Variants in PLPP1 observed in about 807,000 individuals in gnomAD.
PLPP1 encodes the protein lipid phosphate phosphohydrolase 1a.
In PLPP1, 24 loss-of-function variants were observed where a neutral mutation model predicts 31.2. The observed-to-expected ratio is 0.77, with a 90% CI of 0.56 to 1.08. PLPP1 has a LOEUF of 1.08. Among genes scored for constraint, PLPP1 ranks in the 50% least tolerant of loss-of-function variants. PLPP1 has a pLI of 0.00. For synonymous variants in PLPP1, 146 were observed against 126.3 expected (o/e 1.16, Z -1.05); for missense variants, 319 against 342.7 (o/e 0.93, Z 0.55).
chr5:55,438,826 G>A (rs1319358143), intron 4 of PLPP1, among the ~76,000 whole-genome samples: 1 of 151,946 alleles, frequency 6.6e-6, no homozygotes, highest in Non-Finnish European at 1.5e-5. Flanking sequence ...GCGTGAACCC[G>A]GGAGGTGGAG....
chr5:55,443,192 A>AAAAAAAAAAATATATATAT, intron 3 of PLPP1, among the ~76,000 whole-genome samples: 22 of 25,436 alleles, frequency 8.6e-4, no homozygotes, highest in East Asian at 2.3e-3. Context: ...AAAAAAAAAA[A>AAAAAAAAAAATATATATAT]ATATATATAT....
chr5:55,498,308 A>C (rs1753045794), intron 1 of PLPP1, among the ~76,000 whole-genome samples: 1 of 152,134 alleles, frequency 6.6e-6, no homozygotes, highest in Non-Finnish European at 1.5e-5. Flanking sequence ...TGAAACAAAG[A>C]AATAACAGTG....
Position 55,484,089 on chromosome 5 carries a change from C to G in PLPP1, c.59-8639G>C, listed in dbSNP as rs370511872. On this transcript the variant is annotated intron_variant, in intron 1 of 5. Transcript: ENST00000307259. ...CCTCAACCTTGGCCTTTCATGTCAG[C>G]CTGTCCTTGCATGGTGTGCAAGGAC... Among the ~76,000 whole-genome samples the G allele has an allele frequency of 1.3e-3, 203 of 152,254 alleles. 2 individuals carry two copies. In the Middle Eastern group the frequency reaches 0.024, roughly 18 times the overall value.
chr5:55,442,257 T>C (rs1751637182), intron 3 of PLPP1, among the ~76,000 whole-genome samples: 1 of 152,210 alleles, frequency 6.6e-6, no homozygotes. Context: ...TATGTGACCA[T>C]GATTTAAGTT....
At chr5:55,499,702 G>C (rs1753093224) in intron 1 of PLPP1, among the ~76,000 whole-genome samples, 1 of 151,836 alleles carries the variant, frequency 6.6e-6, no homozygotes, top group Admixed American at 6.6e-5. Flanking sequence ...TAAATAAATA[G>C]TTAATAATCT....
At chr5:55,519,049 A>C (rs1753610033) in intron 1 of PLPP1, among the ~76,000 whole-genome samples, 1 of 152,164 alleles carries the variant, frequency 6.6e-6, no homozygotes, top group African/African-American at 2.4e-5. Flanking sequence ...AATCCTGAGG[A>C]AAGGGGGGAA....
intron 1 of PLPP1, among the ~76,000 whole-genome samples, chr5:55,489,294 T>G (rs1308137453): frequency 1.3e-5 from 2 of 152,082 alleles, no homozygotes. Flanking sequence ...AAAAGAAACT[T>G]TATCTGGCAA....
At chr5:55,526,024 A>C (rs975253873) in intron 1 of PLPP1, among the ~76,000 whole-genome samples, 2 of 152,314 alleles carry the variant, frequency 1.3e-5, no homozygotes, top group East Asian at 1.9e-4. Flanking sequence ...ATTACATGTT[A>C]ATCAGTTCAC....
At chr5:55,494,729 C>T (rs868087037) in intron 1 of PLPP1, among the ~76,000 whole-genome samples, 3 of 152,106 alleles carry the variant, frequency 2.0e-5, no homozygotes, top group Middle Eastern at 3.2e-3. Context: ...ATGTCTATCA[C>T]GCTGTACTTT....
chr5:55,500,729 T>G (rs899885654), intron 1 of PLPP1, among the ~76,000 whole-genome samples: 1 of 152,030 alleles, frequency 6.6e-6, no homozygotes, highest in Admixed American at 6.6e-5. Flanking sequence ...GAAGACAGAA[T>G]AGACGGCAAG....
At chr5:55,501,096 C>A (rs1579968437) in intron 1 of PLPP1, among the ~76,000 whole-genome samples, 1 of 152,134 alleles carries the variant, frequency 6.6e-6, no homozygotes, top group East Asian at 1.9e-4. Context: ...GGGCGGATCA[C>A]AACGTCAGGA....
At chr5:55,508,372 T>G (rs1043844632) in intron 1 of PLPP1, among the ~76,000 whole-genome samples, 6 of 152,230 alleles carry the variant, frequency 3.9e-5, no homozygotes, top group Non-Finnish European at 7.3e-5. Context: ...ATATTGAATA[T>G]TTATTTTCAT....
intron 1 of PLPP1, among the ~76,000 whole-genome samples, chr5:55,509,082 G>A (rs1302889373): frequency 3.3e-5 from 5 of 152,204 alleles, no homozygotes; most frequent in East Asian, 1.9e-4. Flanking sequence ...CTAAAGTAAC[G>A]TAGAGGGGAA....
At chr5:55,460,612 G>A (rs1385259701) in intron 3 of PLPP1, among the ~76,000 whole-genome samples, 3 of 152,066 alleles carry the variant, frequency 2.0e-5, no homozygotes, top group Non-Finnish European at 4.4e-5. Flanking sequence ...AACAACCAAA[G>A]CTCATAGAAG....
intron 1 of PLPP1, among the ~76,000 whole-genome samples, chr5:55,509,137 C>T (rs1753350126): frequency 6.6e-6 from 1 of 152,218 alleles, no homozygotes; most frequent in Non-Finnish European, 1.5e-5. Flanking sequence ...AGCAAAACTA[C>T]AGCATGAAGG....
chr5:55,427,419 G>T (rs1751231850), intron 4 of PLPP1, among the ~76,000 whole-genome samples: 1 of 152,190 alleles, frequency 6.6e-6, no homozygotes, highest in Admixed American at 6.5e-5. Flanking sequence ...TGACTCATCA[G>T]CAAGTTTAAG....
chr5:55,476,903 T>C (rs1752561509), intron 1 of PLPP1, among the ~76,000 whole-genome samples: 1 of 152,216 alleles, frequency 6.6e-6, no homozygotes, highest in Non-Finnish European at 1.5e-5. Context: ...ATTTTTCATT[T>C]AGACATTGAA....
chr5:55,468,241 C>A (rs1277133893), intron 2 of PLPP1, 92 bp from the exon 3 acceptor site: 4 of 1,166,318 alleles, frequency 3.4e-6, no homozygotes, highest in African/African-American at 1.5e-5. Flanking sequence ...AATGGTAAAT[C>A]GCAAAAATAT....
At chr5:55,462,928 G>C (rs925272936) in intron 3 of PLPP1, among the ~76,000 whole-genome samples, 2 of 151,746 alleles carry the variant, frequency 1.3e-5, no homozygotes, top group South Asian at 4.2e-4. Context: ...AGCCAAGATC[G>C]TGCCACTGCA....
Sources: allele counts gnomAD v4.1 joint callset (sites outside exome capture counted in the v4.1 genomes callset), GRCh38; gene constraint gnomAD v4.1.1; transcripts MANE v1.5; gene names NCBI Gene and HGNC (gene_info 2026-07-23, HGNC 2026-07-21).